Variants in SRL observed in about 807,000 individuals in gnomAD.
SRL encodes sarcalumenin.
In SRL, 23 loss-of-function variants were observed where a neutral mutation model predicts 39.5. The ratio of observed to expected loss-of-function variants is 0.58; its 90% CI spans 0.42 to 0.82. The LOEUF is 0.82. Ranked by LOEUF, SRL falls within the 40% of genes least tolerant of loss-of-function variation. The pLI, the probability that SRL is intolerant of heterozygous loss-of-function variation, is 0.00. For missense variants in SRL, 592 were observed against 607.8 expected (o/e 0.97, Z 0.27); for synonymous variants, 272 against 237.4 (o/e 1.15, Z -1.34).
intron 4 of SRL, among the ~76,000 whole-genome samples, chr16:4,195,995 C>T (rs1005432701): frequency 6.6e-6 from 1 of 151,994 alleles, no homozygotes; most frequent in African/African-American, 2.4e-5. Context: ...GAGTCTTGCT[C>T]TGTCACCCAG....
chr16:4,192,881 C>T lies in SRL; in HGVS notation c.694G>A (p.Val232Met), dbSNP rs764565207. The part of the protein sequence containing the change: ...FVVFDPTKLD[V>M]GLELEMLFRQ... ...AAGAGCATCTCCAGCTCTAGACCCACATCCAGCTTTGTTGGGTCAAAGACG... is the reference window on the plus strand; with the variant it reads ...AAGAGCATCTCCAGCTCTAGACCCATATCCAGCTTTGTTGGGTCAAAGACG... The change falls in exon 6 of 6, where the codon GTG becomes ATG. Residue 232 changes from valine to methionine, a missense_variant. By Grantham distance (21) the Val-to-Met change is conservative (BLOSUM62 1). Coordinates refer to ENST00000399609, the MANE Select transcript of SRL (RefSeq NM_001098814.2). The surrounding 1 kb of genome is among the most constrained non-coding windows in gnomAD (Gnocchi z 4.0). The T allele has an allele frequency of 1.9e-6, 3 of 1,614,232 alleles. No individual in the cohort carries two copies. Among genetic ancestry groups the T allele is most frequent in the South Asian group, 2.2e-5 (2 of 91,082 alleles).
intron 1 of SRL, among the ~76,000 whole-genome samples, chr16:4,211,319 G>GC (rs1328601773): frequency 6.6e-6 from 1 of 152,238 alleles, no homozygotes; most frequent in African/African-American, 2.4e-5. Context: ...CGTTGGGGGG[G>GC]GTCTCCTAGG....
chr16:4,204,501 C>A, intron 2 of SRL, 32 bp downstream of exon 2: 1 of 1,602,224 alleles, frequency 6.2e-7, no homozygotes, highest in Non-Finnish European at 8.6e-7. Flanking sequence ...CGGGCTCTCC[C>A]AGCCCTGGGC....
intron 1 of SRL, among the ~76,000 whole-genome samples, chr16:4,206,308 G>C (rs2052317621): frequency 6.6e-6 from 1 of 152,166 alleles, no homozygotes; most frequent in African/African-American, 2.4e-5. Flanking sequence ...TAGTCTTCAA[G>C]GGGAGACCCC....
intron 1 of SRL, among the ~76,000 whole-genome samples, chr16:4,238,170 C>G (rs1042152544): frequency 9.9e-5 from 15 of 152,146 alleles, no homozygotes; most frequent in African/African-American, 2.9e-4. Context: ...TGCGATGAGG[C>G]CTGGATTTGG....
intron 5 of SRL, among the ~76,000 whole-genome samples, chr16:4,194,498 T>C (rs1224703010): frequency 6.6e-6 from 1 of 152,028 alleles, no homozygotes; most frequent in African/African-American, 2.4e-5. Flanking sequence ...AAACCGGGAA[T>C]AGGAGGAGTT....
rs753853860 is a variant in SRL at position 4,192,525 on chromosome 16, G to C, written c.1050C>G (p.Tyr350Ter). 1.9e-6 allele frequency: 3 copies of C among 1,614,186 alleles called. No individual in the cohort carries two copies. The highest frequency in any genetic ancestry group is 1.3e-5 in the African/African-American group (1 of 75,044). The change falls in exon 6 of 6, where the codon TAC (tyrosine) becomes TAG (stop). Residue 350 changes from tyrosine to a stop codon, truncating the protein, a stop_gained. Coordinates refer to ENST00000399609, the MANE Select transcript of SRL (RefSeq NM_001098814.2). LOFTEE classifies it high-confidence loss of function. The surrounding 1 kb of genome is among the most constrained non-coding windows in gnomAD (Gnocchi z 4.0). ...VRIHALLVDR[Y>*]LQTYKDKMTF... ...TCATTTTGTCCTTGTAAGTCTGCAG[G>C]TAGCGGTCAACCAGGAGGGCGTGGA...
intron 1 of SRL, among the ~76,000 whole-genome samples, chr16:4,232,767 C>T (rs1354303717): frequency 1.3e-5 from 2 of 152,364 alleles, no homozygotes; most frequent in South Asian, 4.1e-4. Flanking sequence ...CCGCTTCAAC[C>T]TCCCAAAGTG....
chr16:4,192,108 A>T lies in SRL; in HGVS notation c.*45T>A. 1.3e-6 allele frequency: 2 copies of T among 1,514,684 alleles called. No homozygotes were observed. Among genetic ancestry groups the T allele is most frequent in the Non-Finnish European group, 1.8e-6 (2 of 1,130,722 alleles). 93.8% of individuals were successfully genotyped at this position (1,514,684 alleles called of 1,614,324 possible). ...AACCAGGACCTCTCAGACAGTTAGG[A>T]CACAAGCTGATTCACCAACAGGAAC... On this transcript the variant is annotated 3_prime_UTR_variant, in exon 6 of 6. Coordinates refer to ENST00000399609, the MANE Select transcript of SRL (RefSeq NM_001098814.2). The surrounding 1 kb of genome is among the most constrained non-coding windows in gnomAD (Gnocchi z 4.0).
chr16:4,225,662 T>A (rs1197214552), intron 1 of SRL, among the ~76,000 whole-genome samples: 1 of 152,100 alleles, frequency 6.6e-6, no homozygotes, highest in Non-Finnish European at 1.5e-5. Context: ...ATCCAACCAT[T>A]TCTTAACACC....
rs368533761 is a variant in SRL at position 4,241,812 on chromosome 16, G to C, written c.61+195C>G. Among the ~76,000 whole-genome samples, 69 of 152,316 alleles carry C rather than the reference G, an allele frequency of 4.5e-4. 1 individual carries two copies. The South Asian group carries it at 6.6e-3, about 15-fold the overall frequency. On this transcript the variant is annotated intron_variant, in intron 1 of 5. Coordinates refer to ENST00000399609, the MANE Select transcript of SRL (RefSeq NM_001098814.2). ...TGGCCTTCCTGAGGGCCCCGCAACT[G>C]TGCTGCTATTCTCCAGCACCCAGCT...
At chr16:4,205,219 CA>C (rs1471495143) in intron 1 of SRL, among the ~76,000 whole-genome samples, 1 of 152,088 alleles carries the variant, frequency 6.6e-6, no homozygotes, top group Non-Finnish European at 1.5e-5. Flanking sequence ...GAAGCTGAGA[CA>C]GGAGGATTCT....
intron 1 of SRL, among the ~76,000 whole-genome samples, chr16:4,235,738 A>C (rs1381408340): frequency 6.6e-6 from 1 of 152,160 alleles, no homozygotes; most frequent in Non-Finnish European, 1.5e-5. Context: ...AGAGAGGACT[A>C]CAGTCATCAT....
At chr16:4,201,651 TTGTTTG>T (rs770423359) in intron 3 of SRL, among the ~76,000 whole-genome samples, 3 of 130,814 alleles carry the variant, frequency 2.3e-5, no homozygotes, top group Non-Finnish European at 4.8e-5. Flanking sequence ...GTTTGTTTGT[TTGTTTG>T]TTTGTTTGTT....
At chr16:4,206,472 C>T (rs1225489806) in intron 1 of SRL, among the ~76,000 whole-genome samples, 1 of 152,272 alleles carries the variant, frequency 6.6e-6, no homozygotes, top group East Asian at 1.9e-4. Context: ...TACGGCGCAT[C>T]AGGGACCCTA....
chr16:4,221,213 T>A (rs1193674167), intron 1 of SRL, among the ~76,000 whole-genome samples: 3 of 152,112 alleles, frequency 2.0e-5, no homozygotes, highest in Non-Finnish European at 4.4e-5. Flanking sequence ...CATGTCCAGC[T>A]AATTTTTTGT....
chr16:4,213,829 C>T (rs867324403), intron 1 of SRL, among the ~76,000 whole-genome samples: 10 of 152,204 alleles, frequency 6.6e-5, no homozygotes, highest in African/African-American at 2.4e-4. Flanking sequence ...ATGCTCCTAG[C>T]AGCCCTCTGA....
chr16:4,227,831 C>A (rs1039240784), intron 1 of SRL, among the ~76,000 whole-genome samples: 1 of 152,204 alleles, frequency 6.6e-6, no homozygotes, highest in Non-Finnish European at 1.5e-5. Context: ...ATGAACTGAA[C>A]TGCTGAGTTG....
At chr16:4,213,084 A>ACTTG (rs1035864505) in intron 1 of SRL, among the ~76,000 whole-genome samples, 92 of 152,162 alleles carry the variant, frequency 6.0e-4, no homozygotes, top group African/African-American at 2.2e-3. Context: ...TATGAACCTT[A>ACTTG]GTCTGGAGTT....
Sources: allele counts gnomAD v4.1 joint callset (sites outside exome capture counted in the v4.1 genomes callset), GRCh38; gene constraint gnomAD v4.1.1; non-coding constraint Gnocchi (gnomAD v3.1); transcripts MANE v1.5; gene names NCBI Gene and HGNC (gene_info 2026-07-23, HGNC 2026-07-21).